AGR3: variants seen among roughly 807,000 people sequenced by gnomAD.
The protein encoded by AGR3 is anterior gradient protein 3.
AGR3 carries 37 observed loss-of-function variants against 24.5 expected under a neutral mutation model. The ratio of observed to expected loss-of-function variants is 1.51; its 90% confidence interval spans 1.16 to 1.99. The LOEUF (loss-of-function observed/expected upper bound fraction) is 1.99. AGR3 is among the 30% of genes most tolerant of loss of function. AGR3 has a pLI of 0.00. For synonymous variants in AGR3, 75 were observed against 61.6 expected, an observed-to-expected ratio of 1.22 and a Z score of -1.02; for missense variants, 228 against 191.1, an observed-to-expected ratio of 1.19 and a Z score of -1.14.
chr7:16,874,096 C>T (rs1261236355), intron 2 of AGR3, among the ~76,000 whole-genome samples: 1 of 152,144 alleles, frequency 6.6e-6, no homozygotes, highest in Non-Finnish European at 1.5e-5. Flanking sequence ...GTACTCAATA[C>T]ATGTTGTTAT....
chr7:16,860,022 G>A (rs957558901), intron 7 of AGR3, among the ~76,000 whole-genome samples: 10 of 151,908 alleles, frequency 6.6e-5, no homozygotes, highest in Non-Finnish European at 1.3e-4. Context: ...TTGGGAGGCT[G>A]AGGTGGGAGG....
Position 16,859,493 on chromosome 7 carries a change from T to C in AGR3, c.*89A>G. 4.9e-6 allele frequency: 4 copies of C among 819,648 alleles called. No homozygotes were observed. The South Asian group carries it at 6.4e-5, about 13-fold the overall frequency. 50.8% of individuals were successfully genotyped at this position (819,648 alleles called of 1,614,324 possible). ...AAATAGTAATATTACAAAATCTATA[T>C]ACTTGCACATTTAGTATTTGTCAAT... On this transcript the variant is annotated 3_prime_UTR_variant, in exon 8 of 8. Coordinates refer to ENST00000310398, the MANE Select transcript of AGR3 (RefSeq NM_176813.5).
intron 3 of AGR3, among the ~76,000 whole-genome samples, chr7:16,870,685 A>C (rs1289298550): frequency 6.6e-6 from 1 of 152,134 alleles, no homozygotes; most frequent in African/African-American, 2.4e-5. Context: ...TATAAATATT[A>C]AATTATTTTA....
chr7:16,875,160 G>A (rs1781961842), intron 2 of AGR3, among the ~76,000 whole-genome samples: 1 of 150,992 alleles, frequency 6.6e-6, no homozygotes, highest in African/African-American at 2.4e-5. Context: ...GCTTTTTTCA[G>A]TATATCCACG....
chr7:16,864,359 T>C, intron 3 of AGR3: 2 of 1,330,622 alleles, frequency 1.5e-6, no homozygotes, highest in South Asian at 2.4e-5. Context: ...GGCAGTTCAC[T>C]GGCACTATTC....
In AGR3 at chr7:16,859,573, C is replaced by T. The variant is rs11798; in HGVS notation, c.*9G>A. The T allele has an allele frequency of 0.65, 991,228 of 1,526,490 alleles. 324,525 individuals are homozygous for T. The highest frequency in any genetic ancestry group is 0.74 in the East Asian group (32,238 of 43,590). The allele number at this position is 1,526,490 out of a possible 1,614,324, so 94.6% of individuals were successfully genotyped here. The stretch of plus-strand genomic sequence containing the variant: ...CTTCTTTGAAGTGAAGGCTTTTTTC[C>T]ATCATCTCTTATAGCTCTGACTGAA... On this transcript the variant is annotated 3_prime_UTR_variant, in exon 8 of 8. Transcript: ENST00000310398.
At chr7:16,874,825 G>A (rs1377874906) in intron 2 of AGR3, among the ~76,000 whole-genome samples, 2 of 152,020 alleles carry the variant, frequency 1.3e-5, no homozygotes, top group Admixed American at 6.6e-5. Context: ...TATTGAAAAC[G>A]TATACTTTTG....
chr7:16,871,256 C>T (rs538970032), intron 3 of AGR3, among the ~76,000 whole-genome samples: 28 of 152,210 alleles, frequency 1.8e-4, no homozygotes, highest in African/African-American at 6.3e-4. Context: ...TACTCAAAAG[C>T]TTGATTGAGT....
intron 2 of AGR3, among the ~76,000 whole-genome samples, chr7:16,877,136 G>A (rs1326892898): frequency 6.6e-6 from 1 of 151,278 alleles, no homozygotes; most frequent in African/African-American, 2.4e-5. Flanking sequence ...GCACTTGGCT[G>A]GCACTCAATA....
downstream of AGR3, among the ~76,000 whole-genome samples, chr7:16,856,289 A>G (rs1253790802): frequency 2.6e-5 from 4 of 152,232 alleles, no homozygotes; most frequent in Admixed American, 2.6e-4. Context: ...GATCTCAGAA[A>G]TTGAGAGCTT....
At chr7:16,870,720 C>A (rs1250409763) in intron 3 of AGR3, among the ~76,000 whole-genome samples, 2 of 152,044 alleles carry the variant, frequency 1.3e-5, no homozygotes, top group Non-Finnish European at 1.5e-5. Flanking sequence ...TAATCCTAAA[C>A]CACTCTGGCA....
Position 16,878,640 on chromosome 7 carries a change from A to G in AGR3, c.-22T>C, listed in dbSNP as rs1782042342. On this transcript the variant is annotated 5_prime_UTR_variant, in exon 2 of 8. Transcript: ENST00000310398. ...TCATGTCTTCTAGAGACTCTCTCAG[A>G]AGAAGCTAGATGACAGAAAGGAATT... is the stretch of plus-strand genomic sequence containing the variant. 6.3e-7 allele frequency: 1 copy of G among 1,587,982 alleles called. No individual in the cohort carries two copies. Among genetic ancestry groups the G allele is most frequent in the Non-Finnish European group, 8.6e-7 (1 of 1,157,274 alleles).
At chr7:16,868,442 A>G (rs971280464) in intron 3 of AGR3, among the ~76,000 whole-genome samples, 6 of 152,188 alleles carry the variant, frequency 3.9e-5, no homozygotes, top group Admixed American at 3.3e-4. Flanking sequence ...GGTATGAGCC[A>G]CGGCGCCCAG....
At chr7:16,859,940 A>G (rs1352137831) in intron 7 of AGR3, among the ~76,000 whole-genome samples, 1 of 151,926 alleles carries the variant, frequency 6.6e-6, no homozygotes, top group African/African-American at 2.4e-5. Flanking sequence ...CTTATTAAAT[A>G]TAGTTGATAA....
intron 5 of AGR3, 120 bp from the exon 6 acceptor site, chr7:16,861,567 T>A: frequency 1.3e-6 from 1 of 785,052 alleles, no homozygotes; most frequent in Non-Finnish European, 2.1e-6. Flanking sequence ...CATACAACTT[T>A]CTGTATTAAC....
chr7:16,864,977 G>C lies in AGR3; in HGVS notation c.174-2315C>G, dbSNP rs973471400. ...AGATATAAATTAAATAAGTCTCCTG[G>C]CATGTGTGACATTTCTACTACCTCC... On this transcript the variant is annotated intron_variant, in intron 3 of 7. Coordinates refer to ENST00000310398, the MANE Select transcript of AGR3 (RefSeq NM_176813.5). 3.0e-6 allele frequency: 3 copies of C among 988,930 alleles called. No individual in the cohort carries two copies. In the African/African-American group the frequency reaches 4.8e-5, roughly 16 times the overall value. The allele number at this position is 988,930 out of a possible 1,614,324, so 61.3% of individuals were successfully genotyped here.
rs375984031 is a variant in AGR3, at chr7:16,862,669, A to T, written c.174-7T>A. 7.6e-5 allele frequency: 117 copies of T among 1,542,420 alleles called. No individual in the cohort carries two copies. Among genetic ancestry groups the T allele is most frequent in the Non-Finnish European group, 1.7e-5 (20 of 1,149,914 alleles). On this transcript the variant is annotated splice_region_variant and splice_polypyrimidine_tract_variant and intron_variant, in intron 3 of 7. Transcript: ENST00000310398. The stretch of plus-strand genomic sequence containing the variant: ...AACCATTAATGGCTTCTTACTAAAC[A>T]AAGAAAGTATGGAATTAAGTCAAAT...
intron 3 of AGR3, chr7:16,864,528 TC>T: frequency 7.7e-7 from 1 of 1,304,052 alleles, no homozygotes; most frequent in East Asian, 2.3e-5. Flanking sequence ...TTTTCAGTCT[TC>T]CGAAGTGTTG....
At chr7:16,871,838 C>A (rs1781871863) in intron 3 of AGR3, among the ~76,000 whole-genome samples, 2 of 152,130 alleles carry the variant, frequency 1.3e-5, no homozygotes, top group African/African-American at 2.4e-5. Context: ...AAGACTCCAT[C>A]TCAAAAAAAC....
Sources: allele counts gnomAD v4.1 joint callset (sites outside exome capture counted in the v4.1 genomes callset), GRCh38; gene constraint gnomAD v4.1.1; transcripts MANE v1.5; gene names NCBI Gene and HGNC (gene_info 2026-07-23, HGNC 2026-07-21).